Variants in PLEKHG4B observed in about 807,000 individuals in gnomAD.
PLEKHG4B encodes pleckstrin homology and RhoGEF domain containing G4B, also known as pleckstrin homology domain-containing family G member 4B.
A neutral mutation model predicts 121.3 loss-of-function variants in PLEKHG4B; 111 were observed. The ratio of observed to expected loss-of-function variants is 0.92; its 90% CI spans 0.78 to 1.07. The LOEUF (loss-of-function observed/expected upper bound fraction) is 1.07, where lower values mean the gene tolerates loss of function less well. PLEKHG4B is among the 50% of genes least tolerant of loss of function. The pLI, the probability that PLEKHG4B is intolerant of heterozygous loss-of-function variation, is 0.00. For synonymous variants in PLEKHG4B, 738 were observed against 725.0 expected (o/e 1.02, Z -0.29); for missense variants, 1,831 against 1,757.8 (o/e 1.04, Z -0.74).
chr5:107,495 G>A (rs1345408998), intron 1 of PLEKHG4B, among the ~76,000 whole-genome samples: 2 of 152,206 alleles, frequency 1.3e-5, no homozygotes, highest in African/African-American at 4.8e-5. Context: ...GGAGAGTCTT[G>A]GGTGCTCCCT....
rs1735792175 is a variant in PLEKHG4B, at chr5:156,679, A to G, written c.2349-94A>G. On this transcript the variant is annotated intron_variant, in intron 10 of 19. Coordinates refer to ENST00000637938, the MANE Select transcript of PLEKHG4B (RefSeq NM_052909.5). This position sits in a 1 kb window ranked among gnomAD's most constrained non-coding sequence, Gnocchi z 4.4. ...TCCCGTTGCCTTGTGGCATGAGGGA[A>G]TGGAAAGAGCAGGGTTTTTATATGG... 1 of 1,431,214 alleles carries G rather than the reference A, an allele frequency of 7.0e-7. No homozygotes were observed. Among genetic ancestry groups the G allele is most frequent in the Admixed American group, 2.4e-5 (1 of 41,866 alleles). The allele number at this position is 1,431,214 out of a possible 1,614,324, so 88.7% of individuals were successfully genotyped here. A position where few individuals can be genotyped will look rare whatever the true frequency, so the allele number is the denominator to read the frequency against.
In PLEKHG4B at chr5:154,976, G is replaced by C; in HGVS notation, c.2094G>C (p.Trp698Cys). 6.2e-7 allele frequency: 1 copy of C among 1,612,780 alleles called. No individual in the cohort carries two copies. Among genetic ancestry groups the C allele is most frequent in the Non-Finnish European group, 8.5e-7 (1 of 1,179,810 alleles). ...DGSFPYSHGD[W>C]ICFRQRLEHF... ...CCTTTCCCTACAGCCATGGTGACTG[G>C]ATCTGCTTCCGTCAGGTAGGTTCAG... is the stretch of plus-strand genomic sequence containing the variant. Residue 698 changes from tryptophan (W) to cysteine (C), a missense_variant, in exon 8 of 20, where the codon TGG becomes TGC. Coordinates refer to ENST00000637938, the MANE Select transcript of PLEKHG4B (RefSeq NM_052909.5).
At chr5:125,126 T>TA (rs1038555416) in intron 2 of PLEKHG4B, among the ~76,000 whole-genome samples, 6 of 151,712 alleles carry the variant, frequency 4.0e-5, no homozygotes, top group South Asian at 2.1e-4. Context: ...GAGTGAGACT[T>TA]AAAAAAAAAT....
intron 2 of PLEKHG4B, among the ~76,000 whole-genome samples, chr5:115,819 G>C (rs1347998234): frequency 6.6e-6 from 1 of 152,200 alleles, no homozygotes; most frequent in Non-Finnish European, 1.5e-5. Context: ...GGCTTCATCT[G>C]GGTTAGGCTT....
chr5:148,099 T>G (rs1735483460), intron 6 of PLEKHG4B, among the ~76,000 whole-genome samples: 1 of 152,128 alleles, frequency 6.6e-6, no homozygotes, highest in Admixed American at 6.5e-5. Flanking sequence ...AAAAGTTATA[T>G]GAAAAATCTA....
rs1392903076 is a variant in PLEKHG4B at position 92,195 on chromosome 5, G to A, written c.-37G>A. 2.7e-6 allele frequency: 1 copy of A among 376,910 alleles called. No individual in the cohort carries two copies. 23.3% of individuals were successfully genotyped at this position (376,910 alleles called of 1,614,324 possible). On this transcript the variant is annotated 5_prime_UTR_variant, in exon 1 of 20. Coordinates refer to ENST00000637938, the MANE Select transcript of PLEKHG4B (RefSeq NM_052909.5). The stretch of plus-strand genomic sequence containing the variant: ...TGCACAGCGGGACCAGGCAGAGTTC[G>A]GGGAAAGCGTCGGAGTTCGGGAGAC...
chr5:140,338 G>C lies in PLEKHG4B; in HGVS notation c.1099G>C (p.Gly367Arg). The C allele has an allele frequency of 1.3e-6, 2 of 1,544,980 alleles. No homozygotes were observed. Among genetic ancestry groups the C allele is most frequent in the Non-Finnish European group, 1.7e-6 (2 of 1,145,970 alleles). ...AGCCTTGCGGAACCCCATGCCCCTG[G>C]GCAGCTCTGAGGAGGCCCTCGGGGA... ...MEALRNPMPLGSSEEALGDLA... is the reference protein window; with the variant it reads ...MEALRNPMPLRSSEEALGDLA... The change falls in exon 3 of 20, where the codon GGC becomes CGC. Residue 367 changes from glycine (G) to arginine (R), a missense_variant. By Grantham distance (125) the Gly-to-Arg change is moderately radical (BLOSUM62 -2). Transcript: ENST00000637938.
chr5:148,357 A>T (rs201185437), intron 6 of PLEKHG4B, among the ~76,000 whole-genome samples: 1,870 of 144,622 alleles, frequency 0.013, 32 homozygotes, highest in African/African-American at 0.027. Flanking sequence ...AAAAAAAAAA[A>T]TAAATAAAAA....
chr5:163,630 T>G, intron 13 of PLEKHG4B, 82 bp downstream of exon 13: 3 of 1,169,190 alleles, frequency 2.6e-6, no homozygotes, highest in Non-Finnish European at 3.5e-6. Flanking sequence ...GTAAACTCTC[T>G]TCTGCAAAGT....
intron 7 of PLEKHG4B, among the ~76,000 whole-genome samples, chr5:153,192 A>G (rs1245197201): frequency 2.0e-5 from 3 of 152,102 alleles, no homozygotes; most frequent in Non-Finnish European, 4.4e-5. Flanking sequence ...AATTGCAAGC[A>G]TTTTTCCTTT....
chr5:169,217 C>T, intron 13 of PLEKHG4B, 123 bp from the exon 14 acceptor site: 1 of 1,342,900 alleles, frequency 7.4e-7, no homozygotes, highest in Non-Finnish European at 1.0e-6. Context: ...CATGTGCCTC[C>T]AGTCCACATG....
At chr5:161,518 C>G (rs1186475028) in intron 11 of PLEKHG4B, among the ~76,000 whole-genome samples, 1 of 152,234 alleles carries the variant, frequency 6.6e-6, no homozygotes, top group Non-Finnish European at 1.5e-5. Flanking sequence ...CTCCCTCGGT[C>G]CTGCTAAATC....
At chr5:154,046 G>A (rs1036106354) in intron 7 of PLEKHG4B, among the ~76,000 whole-genome samples, 3 of 150,270 alleles carry the variant, frequency 2.0e-5, no homozygotes, top group African/African-American at 7.4e-5. Flanking sequence ...GTTCTATGTC[G>A]CCAGGCTGGA....
chr5:121,880 G>T lies in PLEKHG4B; in HGVS notation c.243+8432G>T, dbSNP rs187765088. Among the ~76,000 whole-genome samples the T allele has an allele frequency of 2.0e-5, 3 of 151,834 alleles. No individual in the cohort carries two copies. In the East Asian group the frequency reaches 5.8e-4, roughly 29 times the overall value. On this transcript the variant is annotated intron_variant, in intron 2 of 19. Transcript: ENST00000637938. Reference sequence around the variant, plus strand: ...GGTGGTCTTTAGGTTGAAGGGAAATGATACTAGATAGGTGAAGGGTACAAG... The same window carrying T: ...GGTGGTCTTTAGGTTGAAGGGAAATTATACTAGATAGGTGAAGGGTACAAG...
intron 2 of PLEKHG4B, among the ~76,000 whole-genome samples, chr5:136,753 G>A (rs755029487): frequency 3.9e-5 from 6 of 152,216 alleles, no homozygotes; most frequent in Non-Finnish European, 7.3e-5. Flanking sequence ...TGGGGTCCTC[G>A]TGCGTGGTTG....
chr5:150,541 T>A (rs146652429), intron 6 of PLEKHG4B, among the ~76,000 whole-genome samples: 1 of 152,236 alleles, frequency 6.6e-6, no homozygotes, highest in East Asian at 1.9e-4. Flanking sequence ...GCACATCTGA[T>A]AAAGGGCTTG....
chr5:175,365 C>T (rs1736726132), intron 18 of PLEKHG4B, among the ~76,000 whole-genome samples: 1 of 152,140 alleles, frequency 6.6e-6, no homozygotes, highest in Admixed American at 6.5e-5. Context: ...CTTATTCCTC[C>T]AGCCTGGCGG....
intron 2 of PLEKHG4B, among the ~76,000 whole-genome samples, chr5:138,231 G>A (rs549836691): frequency 6.6e-6 from 1 of 152,316 alleles, no homozygotes; most frequent in African/African-American, 2.4e-5. Flanking sequence ...CATCTGTTCA[G>A]GTTATTTTCT....
At position 140,298 on chromosome 5, in the gene PLEKHG4B, G is replaced by A; in HGVS notation, c.1059G>A (p.Arg353=). Residue 353 remains arginine, a synonymous_variant, in exon 3 of 20, where the codon AGG becomes AGA. Transcript: ENST00000637938. ...GTGTGCAGCCTAGACGCTGGTTCAG[G>A]GAGTCGTACATGGAAGCCTTGCGGA... The part of the protein sequence containing the change: ...PTCVQPRRWF[R]ESYMEALRNP... The A allele has an allele frequency of 6.7e-7, 1 of 1,485,230 alleles. No individual in the cohort carries two copies. The highest frequency in any genetic ancestry group is 1.4e-5 in the African/African-American group (1 of 70,816). 92.0% of individuals were successfully genotyped at this position (1,485,230 alleles called of 1,614,324 possible). A position where few individuals can be genotyped will look rare whatever the true frequency, so the allele number is the denominator to read the frequency against.
Sources: gnomAD v4.1 joint callset for allele counts (sites outside exome capture counted in the v4.1 genomes callset) on GRCh38, gnomAD v4.1.1 for gene constraint, Gnocchi (gnomAD v3.1) non-coding constraint, MANE v1.5 for transcripts, NCBI Gene and HGNC (gene_info 2026-07-23, HGNC 2026-07-21) for gene names.